CHCHD6: variants seen among roughly 807,000 people sequenced by gnomAD.
CHCHD6 encodes coiled-coil-helix-coiled-coil-helix domain containing 6, also known as MICOS complex subunit MIC25.
CHCHD6 carries 28 observed loss-of-function variants against 32.3 expected under a neutral mutation model. The observed-to-expected ratio is 0.87, with a 90% CI of 0.64 to 1.19. The LOEUF is 1.19. CHCHD6 is among the 50% of genes most tolerant of loss of function. The pLI is 0.00. For synonymous variants in CHCHD6, 122 were observed against 117.5 expected, an observed-to-expected ratio of 1.04 and a Z score of -0.25; for missense variants, 333 against 307.0, an observed-to-expected ratio of 1.08 and a Z score of -0.63.
intron 4 of CHCHD6, chr3:126,766,794 T>C (rs1010233026): frequency 9.4e-7 from 1 of 1,062,114 alleles, no homozygotes; most frequent in African/African-American, 1.6e-5. Flanking sequence ...GACCACCCAC[T>C]TCACTGATGG....
chr3:126,935,239 C>A, intron 6 of CHCHD6: 2 of 764,800 alleles, frequency 2.6e-6, no homozygotes, highest in Non-Finnish European at 3.2e-6. Flanking sequence ...CTCAGTGTAT[C>A]CCAGATGTGG....
chr3:126,941,814 A>C (rs1386942752), intron 6 of CHCHD6, among the ~76,000 whole-genome samples: 1 of 152,134 alleles, frequency 6.6e-6, no homozygotes, highest in Non-Finnish European at 1.5e-5. Flanking sequence ...ACTTCCATGC[A>C]CCATGGGCCT....
intron 6 of CHCHD6, among the ~76,000 whole-genome samples, chr3:126,942,740 TG>T (rs1186934858): frequency 6.6e-6 from 1 of 152,162 alleles, no homozygotes; most frequent in African/African-American, 2.4e-5. Flanking sequence ...CTAGAAACCA[TG>T]CTCTGGGATC....
At chr3:126,742,194 A>G (rs1316316102) in intron 4 of CHCHD6, among the ~76,000 whole-genome samples, 3 of 152,228 alleles carry the variant, frequency 2.0e-5, no homozygotes, top group Admixed American at 6.5e-5. Context: ...GCATTCAGCA[A>G]TAGCTCAGCT....
intron 6 of CHCHD6, among the ~76,000 whole-genome samples, chr3:126,954,212 G>T (rs943855298): frequency 6.6e-6 from 1 of 152,220 alleles, no homozygotes; most frequent in Admixed American, 6.5e-5. Context: ...GCAAGGAGGG[G>T]ATAGATTTCG....
intron 7 of CHCHD6, among the ~76,000 whole-genome samples, chr3:126,958,629 C>T (rs1351715142): frequency 3.3e-5 from 5 of 152,204 alleles, no homozygotes; most frequent in Non-Finnish European, 5.9e-5. Flanking sequence ...GTCACAGCCC[C>T]GTCCAGCACC....
chr3:126,948,544 C>T (rs556087454), intron 6 of CHCHD6, among the ~76,000 whole-genome samples: 1 of 152,170 alleles, frequency 6.6e-6, no homozygotes, highest in Non-Finnish European at 1.5e-5. Context: ...CTTAACTAAT[C>T]ACATCTGTAA....
intron 5 of CHCHD6, among the ~76,000 whole-genome samples, chr3:126,902,441 G>A (rs2077941821): frequency 6.6e-6 from 1 of 152,192 alleles, no homozygotes; most frequent in African/African-American, 2.4e-5. Context: ...TGTAGGCTGG[G>A]TGCGGTGGCT....
chr3:126,825,834 A>G lies in CHCHD6; in HGVS notation c.412-26813A>G, dbSNP rs184006341. Among the ~76,000 whole-genome samples the G allele has an allele frequency of 2.1e-4, 32 of 152,152 alleles. No individual in the cohort carries two copies. The East Asian group carries it at 6.0e-3, about 29-fold the overall frequency. ...ATAACTTGTCTTTCTCTTCTTTTCA[A>G]TTTGGTCTAACAACCTGTGGGTTAC... is the stretch of plus-strand genomic sequence containing the variant. On this transcript the variant is annotated intron_variant, in intron 4 of 7. Coordinates refer to ENST00000290913, the MANE Select transcript of CHCHD6 (RefSeq NM_032343.3).
intron 6 of CHCHD6, 116 bp from the exon 7 acceptor site, chr3:126,957,300 T>C (rs1044932114): frequency 1.4e-5 from 16 of 1,145,556 alleles, no homozygotes; most frequent in South Asian, 7.0e-5. Context: ...AGGATGCTGC[T>C]GGGTGTCAGG....
chr3:126,863,314 A>C (rs1217919221), intron 5 of CHCHD6, among the ~76,000 whole-genome samples: 2 of 111,826 alleles, frequency 1.8e-5, no homozygotes, highest in African/African-American at 4.2e-5. Flanking sequence ...CTCCTCCTCC[A>C]TCACCACCTC....
chr3:126,750,529 A>G (rs1936683242), intron 4 of CHCHD6, among the ~76,000 whole-genome samples: 1 of 152,240 alleles, frequency 6.6e-6, no homozygotes, highest in African/African-American at 2.4e-5. Flanking sequence ...GAATTGCTTC[A>G]GGATAAGGAC....
At chr3:126,953,203 C>T (rs1308819316) in intron 6 of CHCHD6, 1 of 905,836 alleles carries the variant, frequency 1.1e-6, no homozygotes, top group South Asian at 5.1e-5. Flanking sequence ...GATCCCAGAA[C>T]CTGTGTTCTT....
chr3:126,733,272 G>A, intron 4 of CHCHD6, 50 bp downstream of exon 4: 1 of 1,560,848 alleles, frequency 6.4e-7, no homozygotes, highest in African/African-American at 1.4e-5. Flanking sequence ...GCAGCACCCT[G>A]GGAAATAGGG....
At chr3:126,957,723 C>T (rs1401710070) in intron 7 of CHCHD6, 172 bp downstream of exon 7, 6 of 789,230 alleles carry the variant, frequency 7.6e-6, no homozygotes, top group African/African-American at 1.7e-5. Flanking sequence ...GTCACCTGCA[C>T]ACTCTCCTGG....
chr3:126,919,532 C>T (rs1409423265), intron 6 of CHCHD6, among the ~76,000 whole-genome samples: 1 of 150,360 alleles, frequency 6.7e-6, no homozygotes, highest in Non-Finnish European at 1.5e-5. Flanking sequence ...CCAGGCTGGT[C>T]TTGAACTCCT....
intron 5 of CHCHD6, among the ~76,000 whole-genome samples, chr3:126,884,434 A>G (rs1187376061): frequency 6.6e-6 from 1 of 152,210 alleles, no homozygotes; most frequent in African/African-American, 2.4e-5. Flanking sequence ...ATTGAGCTAC[A>G]TTAGCCCCAC....
chr3:126,793,362 G>T (rs1427237188), intron 4 of CHCHD6, among the ~76,000 whole-genome samples: 2 of 152,000 alleles, frequency 1.3e-5, no homozygotes, highest in African/African-American at 4.8e-5. Context: ...TAATTAATCA[G>T]AAGCGTTTTG....
chr3:126,914,674 T>A lies in CHCHD6; in HGVS notation c.496-6T>A. The A allele has an allele frequency of 6.4e-7, 1 of 1,557,804 alleles. No homozygotes were observed. The highest frequency in any genetic ancestry group is 1.1e-5 in the South Asian group (1 of 89,822). On this transcript the variant is annotated splice_polypyrimidine_tract_variant and splice_region_variant and intron_variant, in intron 5 of 7. Transcript: ENST00000290913. ...TTGGTAACCAATTCTGTTTTTCTCCTTGTAGAATGCTGAGATGTATAAACT... is the reference window on the plus strand; with the variant it reads ...TTGGTAACCAATTCTGTTTTTCTCCATGTAGAATGCTGAGATGTATAAACT...
Sources: allele counts gnomAD v4.1 joint callset (sites outside exome capture counted in the v4.1 genomes callset), GRCh38; gene constraint gnomAD v4.1.1; transcripts MANE v1.5; gene names NCBI Gene and HGNC (gene_info 2026-07-23, HGNC 2026-07-21).